Variants in GRAP2 observed in about 807,000 individuals in gnomAD.
The protein encoded by GRAP2 is GRB2-related adapter protein 2.
In GRAP2, 31 loss-of-function variants were observed where a neutral mutation model predicts 43.5. The ratio of observed to expected loss-of-function variants is 0.71; its 90% confidence interval spans 0.54 to 0.96. The LOEUF (loss-of-function observed/expected upper bound fraction) is 0.96. Ranked by LOEUF, GRAP2 falls within the 40% of genes least tolerant of loss-of-function variation. The probability of loss-of-function intolerance (pLI) is 0.00; values close to 1 mark genes in which losing one functional copy is unlikely to be tolerated. For missense variants in GRAP2, 371 were observed against 424.4 expected (o/e 0.87, Z 1.11); for synonymous variants, 156 against 164.8 (o/e 0.95, Z 0.41).
intron 1 of GRAP2, among the ~76,000 whole-genome samples, chr22:39,931,707 G>C (rs2066757083): frequency 1.3e-5 from 2 of 152,220 alleles, no homozygotes; most frequent in South Asian, 2.1e-4. Flanking sequence ...AATGTAAAAT[G>C]CCAGAGTAAT....
At chr22:39,901,521 A>G (rs1482559274) in intron 1 of GRAP2, among the ~76,000 whole-genome samples, 191 bp downstream of exon 1, 1 of 152,204 alleles carries the variant, frequency 6.6e-6, no homozygotes, top group Non-Finnish European at 1.5e-5. Flanking sequence ...TTTGACTTCT[A>G]TCAAATGAAC....
chr22:39,895,977 A>G, the GRAP2 span, among the ~76,000 whole-genome samples: 1 of 152,244 alleles, frequency 6.6e-6, no homozygotes, highest in South Asian at 2.1e-4. Flanking sequence ...ACTTGAACCC[A>G]AATCTCCTGT....
At chr22:39,947,812 A>G (rs569322466) in intron 2 of GRAP2, 1 of 152,592 alleles carries the variant, frequency 6.6e-6, no homozygotes, top group South Asian at 2.1e-4. Context: ...GACTTCTCCC[A>G]CATTCATGCA....
intron 4 of GRAP2, among the ~76,000 whole-genome samples, chr22:39,961,373 C>T (rs566362010): frequency 6.6e-6 from 1 of 152,318 alleles, no homozygotes; most frequent in Non-Finnish European, 1.5e-5. Context: ...CTTCCCATCT[C>T]CTTTGGTTCG....
chr22:39,969,448 A>G lies in GRAP2; in HGVS notation c.728A>G (p.His243Arg). The part of the protein sequence containing the change: ...RGGSLDINDG[H>R]CGTGLGSEMN... ...GGCAGCCTTGACATAAATGATGGGC[A>G]TTGTGGCACCGGCTTGGGCAGTGAA... The change falls in exon 7 of 8, where the codon CAT becomes CGT. Residue 243 changes from histidine to arginine, a missense_variant. By Grantham distance (29) the His-to-Arg change is conservative. Coordinates refer to ENST00000344138, the MANE Select transcript of GRAP2 (RefSeq NM_004810.4). The G allele has an allele frequency of 6.2e-7, 1 of 1,614,044 alleles. No homozygotes were observed. Among genetic ancestry groups the G allele is most frequent in the Admixed American group, 1.7e-5 (1 of 60,022 alleles).
upstream of GRAP2, among the ~76,000 whole-genome samples, chr22:39,899,911 G>A (rs1601680696): frequency 6.6e-6 from 1 of 151,990 alleles, no homozygotes; most frequent in African/African-American, 2.4e-5. Flanking sequence ...ACTTGTACTC[G>A]GGAGACGGAG....
chr22:39,941,689 A>G (rs2066872627), intron 1 of GRAP2, among the ~76,000 whole-genome samples: 1 of 152,192 alleles, frequency 6.6e-6, no homozygotes, highest in East Asian at 1.9e-4. Context: ...ATGCCCATTC[A>G]TTTACCATCA....
At chr22:39,936,560 TG>T (rs2066808478) in intron 1 of GRAP2, among the ~76,000 whole-genome samples, 1 of 152,118 alleles carries the variant, frequency 6.6e-6, no homozygotes. Flanking sequence ...ACTGGATTCA[TG>T]GTAAGTTATT....
At chr22:39,929,046 G>A (rs1194914709) in intron 1 of GRAP2, among the ~76,000 whole-genome samples, 1 of 152,210 alleles carries the variant, frequency 6.6e-6, no homozygotes, top group African/African-American at 2.4e-5. Flanking sequence ...TGGCCTGGTT[G>A]AACATTACAT....
At chr22:39,946,668 G>C (rs1164635724) in intron 1 of GRAP2, 1 of 158,956 alleles carries the variant, frequency 6.3e-6, no homozygotes, top group Non-Finnish European at 1.4e-5. Context: ...AACACTGCCT[G>C]GTTAAATATA....
rs115485896 is a variant in GRAP2, at chr22:39,965,115, C to T, written c.291-875C>T. ...ATTAAAACTCTATCATTTCACAGGGCGCAGTGCCTCACACCTGTAATCCCA... is the reference window on the plus strand; with the variant it reads ...ATTAAAACTCTATCATTTCACAGGGTGCAGTGCCTCACACCTGTAATCCCA... On this transcript the variant is annotated intron_variant, in intron 4 of 7. Transcript: ENST00000344138. 5.2e-3 allele frequency among the ~76,000 whole-genome samples: 793 copies of T among 152,316 alleles called. 4 individuals are homozygous for T. Among genetic ancestry groups the T allele is most frequent in the African/African-American group, 0.018 (753 of 41,556 alleles).
At chr22:39,939,284 C>T (rs1197132942) in intron 1 of GRAP2, among the ~76,000 whole-genome samples, 2 of 152,144 alleles carry the variant, frequency 1.3e-5, no homozygotes, top group African/African-American at 4.8e-5. Flanking sequence ...TGGTCCTGGC[C>T]TGGCGCGGTG....
intron 1 of GRAP2, among the ~76,000 whole-genome samples, chr22:39,945,863 G>A (rs1215909399): frequency 6.6e-6 from 1 of 151,990 alleles, no homozygotes; most frequent in Non-Finnish European, 1.5e-5. Context: ...TAATTTTTTT[G>A]TTTTGTTTTG....
At chr22:39,947,875 T>G (rs1159762262) in intron 2 of GRAP2, 1 of 152,408 alleles carries the variant, frequency 6.6e-6, no homozygotes, top group East Asian at 1.9e-4. Context: ...TTGTTTTGTT[T>G]GTTTGCAAAA....
At chr22:39,904,710 A>G (rs1193713471) in intron 1 of GRAP2, among the ~76,000 whole-genome samples, 1 of 152,118 alleles carries the variant, frequency 6.6e-6, no homozygotes, top group Non-Finnish European at 1.5e-5. Context: ...AACCTTCCCC[A>G]TTTGTCCCCC....
intron 1 of GRAP2, among the ~76,000 whole-genome samples, chr22:39,918,176 C>T (rs768288368): frequency 2.6e-5 from 4 of 152,148 alleles, no homozygotes; most frequent in African/African-American, 4.8e-5. Context: ...TGAACATTCC[C>T]GCATCTCTTC....
At chr22:39,903,928 A>T (rs2066507991) in intron 1 of GRAP2, among the ~76,000 whole-genome samples, 1 of 152,190 alleles carries the variant, frequency 6.6e-6, no homozygotes, top group South Asian at 2.1e-4. Context: ...AGTTTCAATA[A>T]ACTTGAGTCA....
Position 39,963,091 on chromosome 22 carries a change from C to T in GRAP2, c.291-2899C>T, listed in dbSNP as rs189150978. Among the ~76,000 whole-genome samples the T allele has an allele frequency of 6.3e-3, 954 of 152,276 alleles. 15 individuals are homozygous for T. The South Asian group carries it at 0.063, about 10-fold the overall frequency. On this transcript the variant is annotated intron_variant, in intron 4 of 7. Coordinates refer to ENST00000344138, the MANE Select transcript of GRAP2 (RefSeq NM_004810.4). ...AGCTTCTAGTTATGGTGACAATTAC[C>T]GTAATCCTTATCACGTCTTTGCAGA...
chr22:39,938,049 G>A (rs535083567), intron 1 of GRAP2, among the ~76,000 whole-genome samples: 17 of 152,224 alleles, frequency 1.1e-4, no homozygotes, highest in South Asian at 8.3e-4. Flanking sequence ...TAATAAATAC[G>A]CATAAGAAGA....
Sources: allele counts gnomAD v4.1 joint callset (sites outside exome capture counted in the v4.1 genomes callset), GRCh38; gene constraint gnomAD v4.1.1; transcripts MANE v1.5; gene names NCBI Gene and HGNC (gene_info 2026-07-23, HGNC 2026-07-21).